Variants in ATM observed in about 807,000 individuals in gnomAD.
The protein encoded by ATM is serine-protein kinase ATM.
Under a neutral mutation model 387.0 loss-of-function variants are expected in ATM, and 308 were observed. The observed-to-expected ratio is 0.80, with a 90% confidence interval of 0.73 to 0.87. The LOEUF (loss-of-function observed/expected upper bound fraction) is 0.87. Ranked by LOEUF, ATM falls within the 40% of genes least tolerant of loss-of-function variation. ATM has a pLI of 0.00. For missense variants in ATM, 3,312 were observed against 3,560.9 expected (o/e 0.93, Z 1.78); for synonymous variants, 1,156 against 1,187.3 (o/e 0.97, Z 0.54).
At chr11:108,273,286 A>C (rs961919715) in intron 22 of ATM, among the ~76,000 whole-genome samples, 2 of 146,716 alleles carry the variant, frequency 1.4e-5, no homozygotes, top group African/African-American at 5.1e-5. Flanking sequence ...TATCATGAGG[A>C]TCTTTTATAT....
Position 108,279,552 on chromosome 11 carries a change from C to T in ATM, c.3346C>T (p.Gln1116Ter), listed in dbSNP as rs2135644009. The T allele has an allele frequency of 6.2e-7, 1 of 1,613,858 alleles. No homozygotes were observed. Among genetic ancestry groups the T allele is most frequent in the East Asian group, 2.2e-5 (1 of 44,828 alleles). Reference protein sequence around the residue: ...RLLKALPLKLQQTAFENAYLK... With the variant: ...RLLKALPLKL ...ACTGAAAGCACTTCCTTTGAAGCTT[C>T]AGCAAACAGCTTTTGAAAATGCATA... The change falls in exon 23 of 63, where the codon CAG (glutamine) becomes TAG (stop). Residue 1116 changes from glutamine (Q) to a stop codon, truncating the protein, a stop_gained. Transcript: ENST00000675843. LOFTEE classifies it high-confidence loss of function.
chr11:108,261,700 A>G (rs1013232285), intron 16 of ATM, among the ~76,000 whole-genome samples: 2 of 152,078 alleles, frequency 1.3e-5, no homozygotes, highest in Non-Finnish European at 2.9e-5. Flanking sequence ...ACGGGAGGAC[A>G]TTCAAACCAA....
intron 45 of ATM, among the ~76,000 whole-genome samples, chr11:108,323,408 G>A (rs1379857906): frequency 6.6e-6 from 1 of 152,154 alleles, no homozygotes; most frequent in African/African-American, 2.4e-5. Context: ...GGGTGTTGTG[G>A]AGGGAGAGGA....
chr11:108,264,610 T>C (rs2081108900), intron 16 of ATM, among the ~76,000 whole-genome samples: 1 of 147,380 alleles, frequency 6.8e-6, no homozygotes, highest in Non-Finnish European at 1.5e-5. Context: ...CTATTCAACA[T>C]AGTGTTGGAA....
chr11:108,255,677 C>T (rs61269825), intron 13 of ATM, among the ~76,000 whole-genome samples: 5 of 152,258 alleles, frequency 3.3e-5, no homozygotes, highest in East Asian at 1.9e-4. Flanking sequence ...CTGCCCGCCT[C>T]GGCCTCCCAA....
chr11:108,227,151 A>G (rs1353128820), intron 1 of ATM: 1 of 160,070 alleles, frequency 6.2e-6, no homozygotes, highest in Non-Finnish European at 1.4e-5. Context: ...AGTAGCTGGG[A>G]TTACAGGCGC....
At chr11:108,328,347 A>C (rs1332681471) in intron 48 of ATM, among the ~76,000 whole-genome samples, 1 of 152,130 alleles carries the variant, frequency 6.6e-6, no homozygotes, top group Non-Finnish European at 1.5e-5. Flanking sequence ...CCTGGGTTCA[A>C]GCGATTCTCC....
Position 108,365,408 on chromosome 11 carries a change from C to A in ATM, c.9071C>A (p.Thr3024Asn), listed in dbSNP as rs786203183. ...QEKLKGVEEGTVLSVGGQVNL... is the reference protein window; with the variant it reads ...QEKLKGVEEGNVLSVGGQVNL... ...AAACTGAAAGGAGTGGAAGAAGGCA[C>A]TGTGCTCAGTGTTGGTGGACAAGTG... Residue 3024 changes from threonine (T) to asparagine (N), a missense_variant, in exon 63 of 63, where the codon ACT becomes AAT. By Grantham distance (65) the Thr-to-Asn change is moderately conservative (BLOSUM62 0). Around this residue, in one of 4 missense-constraint regions of ATM, gnomAD observed 95 missense variants for 100.3 expected, o/e 0.95. Transcript: ENST00000675843. 1 of 1,614,186 alleles carries A rather than the reference C, an allele frequency of 6.2e-7. No homozygotes were observed. The highest frequency in any genetic ancestry group is 8.5e-7 in the Non-Finnish European group (1 of 1,180,036).
chr11:108,304,879 T>C, intron 37 of ATM, 27 bp downstream of exon 37: 1 of 1,606,090 alleles, frequency 6.2e-7, no homozygotes, highest in Non-Finnish European at 8.5e-7. Flanking sequence ...TTAACATTAA[T>C]ACTGTAAACT....
chr11:108,265,213 C>T (rs1405704722), intron 16 of ATM, among the ~76,000 whole-genome samples: 1 of 151,886 alleles, frequency 6.6e-6, no homozygotes, highest in African/African-American at 2.4e-5. Flanking sequence ...GGAGGCATCA[C>T]ACTACCTGAC....
rs1352084711 is a variant in ATM, at chr11:108,367,621, G to A, written c.*2113G>A. 2 of 208,616 alleles carry A rather than the reference G, an allele frequency of 9.6e-6. No individual in the cohort carries two copies. Among genetic ancestry groups the A allele is most frequent in the Non-Finnish European group, 2.0e-5 (2 of 102,416 alleles). The allele number at this position is 208,616 out of a possible 1,614,324, so 12.9% of individuals were successfully genotyped here. A position where few individuals can be genotyped will look rare whatever the true frequency, so the allele number is the denominator to read the frequency against. The stretch of plus-strand genomic sequence containing the variant: ...TGATTGAGCTTTCTCCTCGTATTTG[G>A]ACCTTGAAGGTTATATAAATTTTTT... On this transcript the variant is annotated 3_prime_UTR_variant, in exon 63 of 63. Transcript: ENST00000675843.
chr11:108,302,817 T>A (rs2135926002), intron 35 of ATM, 36 bp from the exon 36 acceptor site: 1 of 1,561,044 alleles, frequency 6.4e-7, no homozygotes, highest in Non-Finnish European at 8.8e-7. Context: ...GATTTCCACT[T>A]CTCTTATTTA....
chr11:108,240,094 C>T (rs1170045455), intron 5 of ATM, among the ~76,000 whole-genome samples: 1 of 152,200 alleles, frequency 6.6e-6, no homozygotes, highest in Non-Finnish European at 1.5e-5. Context: ...TAAACCTATG[C>T]TGGGACACAT....
At chr11:108,335,783 G>C (rs1376291526) in intron 55 of ATM, 62 bp from the exon 56 acceptor site, 1 of 1,352,468 alleles carries the variant, frequency 7.4e-7, no homozygotes, top group African/African-American at 1.4e-5. Context: ...ATTCTCAGAT[G>C]ACTCTGTGTT....
chr11:108,224,610 T>C (rs2078649918), intron 1 of ATM: 1 of 152,248 alleles, frequency 6.6e-6, no homozygotes. Context: ...ACCCTTTGGC[T>C]ATGCTAGTCT....
intron 16 of ATM, among the ~76,000 whole-genome samples, chr11:108,260,254 A>G (rs1191865497): frequency 2.0e-5 from 3 of 152,014 alleles, no homozygotes; most frequent in African/African-American, 7.2e-5. Flanking sequence ...AGGCTGGTCT[A>G]GAATTCCTGA....
intron 5 of ATM, 194 bp downstream of exon 5, chr11:108,236,028 AAT>A: frequency 1.6e-6 from 1 of 615,414 alleles, no homozygotes; most frequent in Non-Finnish European, 2.8e-6. Context: ...AGTCATGAAT[AAT>A]ATATCAGGTG....
rs145187560 is a variant in ATM, at chr11:108,311,676, C to T, written c.5919-735C>T. ...TTGTGCCACTGCACTCCAGCCTAGG[C>T]GACAGAGCGAGACCCTATCTCATAA... On this transcript the variant is annotated intron_variant, in intron 39 of 62. Transcript: ENST00000675843. Among the ~76,000 whole-genome samples the T allele has an allele frequency of 2.9e-3, 430 of 150,058 alleles. 3 individuals carry two copies. Among genetic ancestry groups the T allele is most frequent in the African/African-American group, 9.9e-3 (403 of 40,702 alleles).
intron 27 of ATM, among the ~76,000 whole-genome samples, chr11:108,288,474 T>C (rs950128083): frequency 1.3e-5 from 2 of 151,634 alleles, no homozygotes; most frequent in African/African-American, 4.9e-5. Flanking sequence ...CCTGGCTTGA[T>C]TGTAAGCTAC....
Sources: allele counts gnomAD v4.1 joint callset (sites outside exome capture counted in the v4.1 genomes callset), GRCh38; gene constraint gnomAD v4.1.1; regional missense constraint gnomAD v4.1.1; transcripts MANE v1.5; gene names NCBI Gene and HGNC (gene_info 2026-07-23, HGNC 2026-07-21).